EEPD1: variants seen among roughly 807,000 people sequenced by gnomAD.
The protein encoded by EEPD1 is endonuclease/exonuclease/phosphatase family domain containing 1, also known as endonuclease/exonuclease/phosphatase family domain-containing protein 1.
EEPD1 carries 17 observed loss-of-function variants against 46.3 expected under a neutral mutation model. The ratio of observed to expected loss-of-function variants is 0.37; its 90% CI spans 0.25 to 0.55. The LOEUF (loss-of-function observed/expected upper bound fraction) is 0.55. EEPD1 is among the 20% of genes least tolerant of loss of function. The probability of loss-of-function intolerance (pLI) is 0.83; values close to 1 mark genes in which losing one functional copy is unlikely to be tolerated. For synonymous variants in EEPD1, 313 were observed against 315.6 expected, an observed-to-expected ratio of 0.99 and a Z score of 0.09; for missense variants, 673 against 745.6, an observed-to-expected ratio of 0.90 and a Z score of 1.13.
chr7:36,271,940 G>A lies in EEPD1; in HGVS notation c.931-9175G>A, dbSNP rs906138510. 8.2e-4 allele frequency among the ~76,000 whole-genome samples: 125 copies of A among 151,688 alleles called. 1 individual carries two copies. The highest frequency in any genetic ancestry group is 2.9e-3 in the African/African-American group (121 of 41,294). The stretch of plus-strand genomic sequence containing the variant: ...TCTGTCACCCAGGCTGGAGTGCAAT[G>A]GCACAATCTCGGCCCACTGCAGTCT... On this transcript the variant is annotated intron_variant, in intron 3 of 7. Coordinates refer to ENST00000242108, the MANE Select transcript of EEPD1 (RefSeq NM_030636.3).
intron 3 of EEPD1, among the ~76,000 whole-genome samples, chr7:36,255,129 C>A (rs1786807622): frequency 6.6e-6 from 1 of 152,174 alleles, no homozygotes; most frequent in Admixed American, 6.5e-5. Context: ...TGTGCAGAAG[C>A]TCTTTAGTTT....
At chr7:36,188,234 A>C (rs1245196493) in intron 2 of EEPD1, among the ~76,000 whole-genome samples, 1 of 151,866 alleles carries the variant, frequency 6.6e-6, no homozygotes, top group African/African-American at 2.4e-5. Flanking sequence ...TCTTTCCATA[A>C]GCCTTATTAG....
chr7:36,226,595 G>C (rs1315365653), intron 2 of EEPD1, among the ~76,000 whole-genome samples: 1 of 152,210 alleles, frequency 6.6e-6, no homozygotes, highest in African/African-American at 2.4e-5. Flanking sequence ...AGACCCAAAA[G>C]AGTCTCAATA....
chr7:36,267,934 A>T (rs185833600), intron 3 of EEPD1, among the ~76,000 whole-genome samples: 47 of 152,282 alleles, frequency 3.1e-4, no homozygotes, highest in African/African-American at 1.1e-3. Flanking sequence ...CCATGCGAGG[A>T]CACAGGAAGA....
rs1487641833 is a variant in EEPD1, at chr7:36,284,685, G to C, written c.1042-1G>C. The stretch of plus-strand genomic sequence containing the variant: ...AGACTCTGTCTCCCTCTCCGCTGCA[G>C]GGAGCTGGGTATGCAGGATTCCTAT... On this transcript the variant is annotated splice_acceptor_variant, in intron 4 of 7. Transcript: ENST00000242108. LOFTEE classifies it high-confidence loss of function. The C allele has an allele frequency of 6.2e-7, 1 of 1,611,396 alleles. No homozygotes were observed.
intron 3 of EEPD1, among the ~76,000 whole-genome samples, chr7:36,261,918 G>T (rs1786931418): frequency 1.3e-5 from 2 of 152,168 alleles, no homozygotes; most frequent in African/African-American, 4.8e-5. Context: ...TAACCTTCAG[G>T]AGGCATTGAA....
At chr7:36,162,812 T>G (rs1784921355) in intron 2 of EEPD1, among the ~76,000 whole-genome samples, 1 of 152,196 alleles carries the variant, frequency 6.6e-6, no homozygotes, top group Admixed American at 6.5e-5. Context: ...CCTTAAATTG[T>G]TTTACCTAGA....
chr7:36,272,822 G>C lies in EEPD1; in HGVS notation c.931-8293G>C, dbSNP rs529299687. ...AGAATGGGGAAGAGCCACCCTTCAA[G>C]TGGCACACTGTGACACAGGAGCAGG... On this transcript the variant is annotated intron_variant, in intron 3 of 7. Coordinates refer to ENST00000242108, the MANE Select transcript of EEPD1 (RefSeq NM_030636.3). Among the ~76,000 whole-genome samples the C allele has an allele frequency of 2.0e-4, 31 of 152,348 alleles. No homozygotes were observed. In the East Asian group the frequency reaches 6.0e-3, roughly 29 times the overall value.
Position 36,299,431 on chromosome 7 carries a change from G to A in EEPD1, c.*225G>A. ...AGGTGGGCAAAGCAGAAACCTGCGGGGAGCGGAGACGCCTTTTATCTCTGG... is the reference window on the plus strand; with the variant it reads ...AGGTGGGCAAAGCAGAAACCTGCGGAGAGCGGAGACGCCTTTTATCTCTGG... On this transcript the variant is annotated 3_prime_UTR_variant, in exon 8 of 8. Transcript: ENST00000242108. 1.7e-6 allele frequency: 1 copy of A among 597,040 alleles called. No homozygotes were observed. Among genetic ancestry groups the A allele is most frequent in the East Asian group, 2.8e-5 (1 of 35,338 alleles). 37.0% of individuals were successfully genotyped at this position (597,040 alleles called of 1,614,324 possible). A position where few individuals can be genotyped will look rare whatever the true frequency, so the allele number is the denominator to read the frequency against.
chr7:36,161,002 C>G (rs1244092801), intron 2 of EEPD1, among the ~76,000 whole-genome samples: 1 of 152,154 alleles, frequency 6.6e-6, no homozygotes, highest in Non-Finnish European at 1.5e-5. Context: ...ACAGCTGTGT[C>G]CTGGGTGTGG....
At chr7:36,294,343 A>G (rs2115899070) in intron 6 of EEPD1, among the ~76,000 whole-genome samples, 1 of 152,342 alleles carries the variant, frequency 6.6e-6, no homozygotes, top group East Asian at 1.9e-4. Flanking sequence ...TAGAAATGTT[A>G]TACAAAAAGA....
chr7:36,300,810 C>T lies in EEPD1; in HGVS notation c.*1604C>T, dbSNP rs1165839003. On this transcript the variant is annotated 3_prime_UTR_variant, in exon 8 of 8. Transcript: ENST00000242108. ...AGGAGCTCTAAGGGTACTTGGGAAT[C>T]AATTGTGTCCATTCTGAGGTCTCTC... is the stretch of plus-strand genomic sequence containing the variant. The T allele has an allele frequency of 6.6e-6, 1 of 152,214 alleles. No individual in the cohort carries two copies. The highest frequency in any genetic ancestry group is 1.5e-5 in the Non-Finnish European group (1 of 68,048). The allele number at this position is 152,214 out of a possible 1,614,324, so 9.4% of individuals were successfully genotyped here.
chr7:36,190,320 T>C (rs1785439631), intron 2 of EEPD1, among the ~76,000 whole-genome samples: 1 of 48,446 alleles, frequency 2.1e-5, no homozygotes, highest in Admixed American at 2.9e-4. Context: ...TACAGTGAGC[T>C]ATGATTGCAC....
intron 2 of EEPD1, among the ~76,000 whole-genome samples, chr7:36,176,522 T>A (rs183603543): frequency 1.3e-3 from 197 of 152,330 alleles, no homozygotes; most frequent in African/African-American, 4.3e-3. Context: ...CTATGATAGC[T>A]GTGAACATGC....
intron 2 of EEPD1, among the ~76,000 whole-genome samples, chr7:36,224,284 T>C (rs1786195121): frequency 6.6e-6 from 1 of 152,302 alleles, no homozygotes; most frequent in East Asian, 1.9e-4. Flanking sequence ...AGGTTTCAAG[T>C]TGACTGGAAG....
At chr7:36,190,882 C>T (rs879525261) in intron 2 of EEPD1, among the ~76,000 whole-genome samples, 14 of 152,206 alleles carry the variant, frequency 9.2e-5, no homozygotes, top group Admixed American at 7.2e-4. Flanking sequence ...TCAGGACAGG[C>T]TCAGGCATGA....
intron 3 of EEPD1, among the ~76,000 whole-genome samples, chr7:36,242,499 G>A (rs1583829278): frequency 1.3e-5 from 2 of 152,282 alleles, no homozygotes; most frequent in African/African-American, 4.8e-5. Flanking sequence ...AGCTTCCAGT[G>A]TGCCAGGCAA....
chr7:36,222,746 C>A (rs1786166746), intron 2 of EEPD1, among the ~76,000 whole-genome samples: 1 of 152,142 alleles, frequency 6.6e-6, no homozygotes, highest in African/African-American at 2.4e-5. Context: ...CTAGCGGGGT[C>A]CCCACTTGGT....
chr7:36,167,526 T>A lies in EEPD1; in HGVS notation c.878+12324T>A, dbSNP rs1785006321. On this transcript the variant is annotated intron_variant, in intron 2 of 7. Transcript: ENST00000242108. ...TCCTTCAGATTTGCTAGTCTGAGTT[T>A]TCCTCTGAAATGAGAGCAGTGACCT... 2.0e-5 allele frequency among the ~76,000 whole-genome samples: 3 copies of A among 152,082 alleles called. No homozygotes were observed. In the South Asian group the frequency reaches 6.2e-4, roughly 31 times the overall value.
Sources: gnomAD v4.1 joint callset for allele counts (sites outside exome capture counted in the v4.1 genomes callset) on GRCh38, gnomAD v4.1.1 for gene constraint, MANE v1.5 for transcripts, NCBI Gene and HGNC (gene_info 2026-07-23, HGNC 2026-07-21) for gene names.